The following HECW1 variants were observed in gnomAD, a reference collection of about 807,000 sequenced individuals.
The protein encoded by HECW1 is HECT, C2 and WW domain containing E3 ubiquitin protein ligase 1.
Under a neutral mutation model 182.3 loss-of-function variants are expected in HECW1, and 61 were observed. The observed-to-expected ratio is 0.33, with a 90% confidence interval of 0.27 to 0.41. The LOEUF is 0.41. Ranked by LOEUF, HECW1 falls within the 10% of genes least tolerant of loss-of-function variation. HECW1 has a pLI of 1.00. For missense variants in HECW1, 1,739 were observed against 2,108.9 expected, an observed-to-expected ratio of 0.82 and a Z score of 3.44; for synonymous variants, 859 against 832.6, an observed-to-expected ratio of 1.03 and a Z score of -0.55.
At chr7:43,394,230 G>C (rs2075147962) in intron 6 of HECW1, among the ~76,000 whole-genome samples, 1 of 152,150 alleles carries the variant, frequency 6.6e-6, no homozygotes, top group Non-Finnish European at 1.5e-5. Context: ...GCCACCTTCA[G>C]AGTTAAGAAA....
chr7:43,548,961 A>G (rs1225915844), intron 26 of HECW1, among the ~76,000 whole-genome samples: 1 of 152,174 alleles, frequency 6.6e-6, no homozygotes, highest in Non-Finnish European at 1.5e-5. Flanking sequence ...AAACAAAAAA[A>G]GCTCTGTTTG....
chr7:43,267,546 C>T (rs998371992), intron 3 of HECW1, among the ~76,000 whole-genome samples: 1 of 151,222 alleles, frequency 6.6e-6, no homozygotes, highest in Non-Finnish European at 1.5e-5. Context: ...AATTAGAAAA[C>T]CCTCAGCCAA....
intron 6 of HECW1, among the ~76,000 whole-genome samples, chr7:43,383,029 G>C (rs1426281391): frequency 6.6e-6 from 1 of 152,128 alleles, no homozygotes; most frequent in Non-Finnish European, 1.5e-5. Flanking sequence ...AGAACATGTG[G>C]TGTTTGGTTT....
intron 3 of HECW1, among the ~76,000 whole-genome samples, chr7:43,295,166 G>A (rs2152758482): frequency 6.6e-6 from 1 of 152,308 alleles, no homozygotes; most frequent in African/African-American, 2.4e-5. Context: ...GGTATGCATT[G>A]TCTCGTGTGA....
intron 5 of HECW1, among the ~76,000 whole-genome samples, chr7:43,342,391 A>ACC (rs1813108572): frequency 1.3e-5 from 2 of 151,858 alleles, no homozygotes; most frequent in Admixed American, 1.3e-4. Flanking sequence ...ATACAAATGG[A>ACC]TATACTGCCA....
Position 43,493,141 on chromosome 7 carries a change from A to C in HECW1, c.3398A>C (p.Gln1133Pro), listed in dbSNP as rs1217990144. The C allele has an allele frequency of 1.2e-6, 2 of 1,613,878 alleles. No homozygotes were observed. The highest frequency in any genetic ancestry group is 1.7e-6 in the Non-Finnish European group (2 of 1,179,874). Residue 1133 changes from glutamine (Q) to proline (P), a missense_variant, in exon 19 of 30, where the codon CAA becomes CCA. Physicochemically the swap from Gln to Pro is moderately conservative, Grantham distance 76 (BLOSUM62 -1). This residue lies in a region of HECW1 where 971 missense variants were observed against 1,029.1 expected (regional missense o/e 0.94). Transcript: ENST00000395891. ...LRQPNIFEML[Q>P]ERQPSLARNH... ...CAGCCAAACATTTTTGAAATGCTGC[A>C]AGAGCGTCAGCCAAGCTTAGCAAGA...
At position 43,564,585 on chromosome 7, in the gene HECW1, T is replaced by C. The variant is rs922203037; in HGVS notation, c.*2659T>C. 6 of 185,090 alleles carry C rather than the reference T, an allele frequency of 3.2e-5. No homozygotes were observed. Among genetic ancestry groups the C allele is most frequent in the Non-Finnish European group, 5.7e-5 (5 of 87,384 alleles). 11.5% of individuals were successfully genotyped at this position (185,090 alleles called of 1,614,324 possible). On this transcript the variant is annotated 3_prime_UTR_variant, in exon 30 of 30. Coordinates refer to ENST00000395891, the MANE Select transcript of HECW1 (RefSeq NM_015052.5). ...TCTTTCACAAAAGTGCAAAATTTCA[T>C]GAAGAAATGCTGATGTCACGGTCAC...
intron 5 of HECW1, among the ~76,000 whole-genome samples, chr7:43,327,961 A>ATATTATTATTATTATTAT (rs4049927): frequency 7.5e-5 from 11 of 146,200 alleles, no homozygotes; most frequent in African/African-American, 2.8e-4. Context: ...TGAACCATTT[A>ATATTATTATTATTATTAT]TATTATTATT....
intron 3 of HECW1, among the ~76,000 whole-genome samples, chr7:43,268,828 G>C (rs1258518971): frequency 6.6e-6 from 1 of 152,108 alleles, no homozygotes; most frequent in Non-Finnish European, 1.5e-5. Flanking sequence ...CTGGAGTGCA[G>C]TAGTGTGATC....
intron 3 of HECW1, among the ~76,000 whole-genome samples, chr7:43,283,131 A>AG (rs959050365): frequency 2.6e-5 from 4 of 152,068 alleles, no homozygotes; most frequent in African/African-American, 7.2e-5. Flanking sequence ...TCCAAAAAAA[A>AG]AAAGAAAGAA....
chr7:43,445,932 A>G (rs2077040394), intron 11 of HECW1, among the ~76,000 whole-genome samples: 1 of 152,252 alleles, frequency 6.6e-6, no homozygotes, highest in Non-Finnish European at 1.5e-5. Flanking sequence ...AATGATATAC[A>G]TGGGAAAAAT....
At chr7:43,440,089 A>G (rs117592032) in intron 9 of HECW1, 23,418 of 152,246 alleles carry the variant, frequency 0.15, 1,964 homozygotes, top group Middle Eastern at 0.23. Flanking sequence ...CACCGTGGTT[A>G]GGAGCAGAGT....
intron 28 of HECW1, among the ~76,000 whole-genome samples, chr7:43,553,788 A>G (rs2081930660): frequency 6.6e-6 from 1 of 150,930 alleles, no homozygotes; most frequent in South Asian, 2.1e-4. Context: ...TGTTGCCTGC[A>G]TATTTCCTCC....
intron 8 of HECW1, among the ~76,000 whole-genome samples, chr7:43,435,487 A>G (rs75150415): frequency 0.02 from 3,104 of 152,322 alleles, 66 homozygotes; most frequent in East Asian, 0.074. Flanking sequence ...GACGTACCAC[A>G]TGGTCACTGT....
chr7:43,541,877 A>G lies in HECW1; in HGVS notation c.4127A>G (p.Asp1376Gly). 6.6e-7 allele frequency: 1 copy of G among 1,521,480 alleles called. No individual in the cohort carries two copies. Among genetic ancestry groups the G allele is most frequent in the Non-Finnish European group, 8.8e-7 (1 of 1,135,278 alleles). 94.2% of individuals were successfully genotyped at this position (1,521,480 alleles called of 1,614,324 possible). The change falls in exon 26 of 30, where the codon GAT becomes GGT. Residue 1376 changes from aspartate to glycine, a missense_variant. Physicochemically the swap from Asp to Gly is moderately conservative, Grantham distance 94. Around this residue, in one of 5 missense-constraint regions of HECW1, gnomAD observed 420 missense variants for 595.7 expected, o/e 0.71. Transcript: ENST00000395891. ...TCACTGAATTCACCCAGGCCCTGTG[A>G]TTTGAGTGACCTGGAATATTTGGAT... ...FYKALLRLPCDLSDLEYLDEE... is the reference protein window; with the variant it reads ...FYKALLRLPCGLSDLEYLDEE...
chr7:43,305,962 G>T (rs1422240262), intron 3 of HECW1, among the ~76,000 whole-genome samples: 1 of 152,122 alleles, frequency 6.6e-6, no homozygotes, highest in Non-Finnish European at 1.5e-5. Flanking sequence ...GTTTCTCCAT[G>T]TTGGTCAAGC....
rs530994240 is a variant in HECW1, at chr7:43,152,445, G to GT, written c.-32+38060dup. Among the ~76,000 whole-genome samples, 342 of 152,262 alleles carry GT rather than the reference G, an allele frequency of 2.2e-3. 1 individual carries two copies. Among genetic ancestry groups the GT allele is most frequent in the Non-Finnish European group, 4.1e-3 (279 of 68,012 alleles). ...CAATCCAGAACTAAAGTTTCAAATG[G>GT]TTTTTTAAAATATGTTGGATAGAAG... On this transcript the variant is annotated intron_variant, in intron 2 of 29. Coordinates refer to ENST00000395891, the MANE Select transcript of HECW1 (RefSeq NM_015052.5).
chr7:43,493,677 A>G (rs762562012), intron 19 of HECW1, among the ~76,000 whole-genome samples: 2 of 152,232 alleles, frequency 1.3e-5, no homozygotes, highest in Non-Finnish European at 1.5e-5. Context: ...TGGAAGGGAT[A>G]GCGATCTGAA....
At chr7:43,359,495 TG>T (rs1337861666) in intron 5 of HECW1, among the ~76,000 whole-genome samples, 2 of 152,262 alleles carry the variant, frequency 1.3e-5, no homozygotes, top group Admixed American at 1.3e-4. Context: ...ATTTGCAATG[TG>T]TAAATCTATT....
Sources: allele counts gnomAD v4.1 joint callset (sites outside exome capture counted in the v4.1 genomes callset), GRCh38; gene constraint gnomAD v4.1.1; regional missense constraint gnomAD v4.1.1; transcripts MANE v1.5; gene names NCBI Gene and HGNC (gene_info 2026-07-23, HGNC 2026-07-21).